The following CCND3 variants were observed in gnomAD, a reference collection of about 807,000 sequenced individuals.
CCND3 encodes the protein cyclin D3.
A neutral mutation model predicts 28.7 loss-of-function variants in CCND3; 9 were observed. The ratio of observed to expected loss-of-function variants is 0.31; its 90% CI spans 0.19 to 0.55. The LOEUF is 0.55. CCND3 is among the 20% of genes least tolerant of loss of function. The pLI, the probability that CCND3 is intolerant of heterozygous loss-of-function variation, is 0.93. For missense variants in CCND3, 315 were observed against 385.8 expected (o/e 0.82, Z 1.54); for synonymous variants, 164 against 163.9 (o/e 1.00, Z 0.00).
At chr6:42,019,307 G>A (rs1288883994) in intron 1 of CCND3, among the ~76,000 whole-genome samples, 1 of 152,018 alleles carries the variant, frequency 6.6e-6, no homozygotes, top group Non-Finnish European at 1.5e-5. Flanking sequence ...GACCAACAAG[G>A]TGAAACCCTG....
At chr6:41,998,273 G>A (rs190034192) in intron 1 of CCND3, among the ~76,000 whole-genome samples, 10 of 126,860 alleles carry the variant, frequency 7.9e-5, no homozygotes, top group Admixed American at 4.4e-4. Context: ...GGGCGGCAGA[G>A]CGAGACTCCA....
At chr6:42,000,619 G>C (rs1300977436) in intron 1 of CCND3, among the ~76,000 whole-genome samples, 1 of 125,660 alleles carries the variant, frequency 8.0e-6, no homozygotes, top group Non-Finnish European at 1.6e-5. Flanking sequence ...CCAGGCTGGA[G>C]CGCAATGGCG....
chr6:41,949,131 T>C (rs1776242013), intron 1 of CCND3, among the ~76,000 whole-genome samples: 1 of 152,062 alleles, frequency 6.6e-6, no homozygotes, highest in Non-Finnish European at 1.5e-5. Context: ...GGAGGATCAC[T>C]GAGGCCAGGG....
In CCND3 at chr6:41,935,628, G is replaced by A. The variant is rs749074508; in HGVS notation, c.*312C>T. Reference sequence around the variant, plus strand: ...AGAGCCCCCAGGGGTGGGGGGGGGCGTTCAAAAGGAATGCTGGTGTATGTA... The same window carrying A: ...AGAGCCCCCAGGGGTGGGGGGGGGCATTCAAAAGGAATGCTGGTGTATGTA... On this transcript the variant is annotated 3_prime_UTR_variant, in exon 5 of 5. Coordinates refer to ENST00000372991, the MANE Select transcript of CCND3 (RefSeq NM_001760.5). 5 of 457,998 alleles carry A rather than the reference G, an allele frequency of 1.1e-5. No homozygotes were observed. The highest frequency in any genetic ancestry group is 9.4e-5 in the East Asian group (3 of 31,998). 28.4% of individuals were successfully genotyped at this position (457,998 alleles called of 1,614,324 possible). A position where few individuals can be genotyped will look rare whatever the true frequency, so the allele number is the denominator to read the frequency against.
intron 1 of CCND3, among the ~76,000 whole-genome samples, chr6:42,000,263 G>GTTTTTTTTTTTTTTTTTTTTTCTA: frequency 1.2e-5 from 1 of 84,982 alleles, no homozygotes; most frequent in Non-Finnish European, 2.1e-5. Flanking sequence ...TTTTTTTTTG[G>GTTTTTTTTTTTTTTTTTTTTTCTA]GACAGAGTCT....
intron 1 of CCND3, 126 bp from the exon 2 acceptor site, chr6:41,940,711 G>A: frequency 2.6e-6 from 2 of 766,886 alleles, no homozygotes; most frequent in Non-Finnish European, 4.5e-6. Context: ...TACTTAGAGA[G>A]ACAAGGACCA....
At chr6:41,980,010 T>TCACACGCACACACACACACA (rs1762295467) in intron 1 of CCND3, among the ~76,000 whole-genome samples, 1 of 137,090 alleles carries the variant, frequency 7.3e-6, no homozygotes, top group Non-Finnish European at 1.6e-5. Context: ...GCTTTCAAAA[T>TCACACGCACACACACACACA]CACACACACA....
chr6:42,016,684 C>G (rs1377909581), intron 1 of CCND3, among the ~76,000 whole-genome samples: 1 of 149,736 alleles, frequency 6.7e-6, no homozygotes, highest in Non-Finnish European at 1.5e-5. Flanking sequence ...CTCCCAGGTT[C>G]AAGCAATCTC....
chr6:41,963,447 A>G (rs1276264317), intron 1 of CCND3, among the ~76,000 whole-genome samples: 2 of 152,216 alleles, frequency 1.3e-5, no homozygotes, highest in Non-Finnish European at 2.9e-5. Flanking sequence ...ACATAAGGAA[A>G]AGTGTGCTTT....
chr6:42,028,535 T>C (rs1763948500), intron 1 of CCND3, among the ~76,000 whole-genome samples: 2 of 152,360 alleles, frequency 1.3e-5, no homozygotes, highest in East Asian at 3.9e-4. Context: ...CTCATCTTCC[T>C]TCCTGCTCAT....
At chr6:42,031,982 G>T (rs1764060565) in intron 1 of CCND3, among the ~76,000 whole-genome samples, 1 of 151,812 alleles carries the variant, frequency 6.6e-6, no homozygotes, top group Non-Finnish European at 1.5e-5. Context: ...ATAGAGACGG[G>T]GTTTCACCAT....
chr6:41,995,700 C>T (rs528419021), intron 1 of CCND3, among the ~76,000 whole-genome samples: 2 of 152,178 alleles, frequency 1.3e-5, no homozygotes, highest in South Asian at 2.1e-4. Context: ...TGTCTTTGGG[C>T]ATTAAATTTT....
At chr6:41,980,131 ATTTTTTTTTT>A (rs61407287) in intron 1 of CCND3, among the ~76,000 whole-genome samples, 33 of 146,888 alleles carry the variant, frequency 2.2e-4, no homozygotes, top group Admixed American at 4.1e-4. Flanking sequence ...GTTTACTGGA[ATTTTTTTTTT>A]TTTTTTTTTT....
At chr6:41,937,465 A>C in intron 2 of CCND3, 71 bp from the exon 3 acceptor site, 3 of 1,575,988 alleles carry the variant, frequency 1.9e-6, no homozygotes, top group Non-Finnish European at 2.6e-6. Flanking sequence ...CAGAAGTCTC[A>C]AAGTCTCAGG....
At chr6:42,026,612 T>C (rs749777660) in intron 1 of CCND3, among the ~76,000 whole-genome samples, 3 of 152,108 alleles carry the variant, frequency 2.0e-5, no homozygotes, top group Non-Finnish European at 4.4e-5. Flanking sequence ...ATGGCAAAGA[T>C]TGCCAACTGT....
chr6:41,944,583 G>A (rs937805144), upstream of CCND3, among the ~76,000 whole-genome samples: 6 of 151,960 alleles, frequency 3.9e-5, no homozygotes, highest in South Asian at 2.1e-4. Flanking sequence ...CACCATGCCC[G>A]GCTAATTTTT....
chr6:41,989,179 C>G (rs1333531983), intron 1 of CCND3, among the ~76,000 whole-genome samples: 2 of 151,970 alleles, frequency 1.3e-5, no homozygotes, highest in Non-Finnish European at 2.9e-5. Flanking sequence ...AACAAACAAC[C>G]TGGGCACTGT....
chr6:41,976,071 G>A (rs541773391), intron 1 of CCND3, among the ~76,000 whole-genome samples: 73 of 152,222 alleles, frequency 4.8e-4, no homozygotes, highest in African/African-American at 1.8e-3. Context: ...GCTGGGTCTG[G>A]CCGGGCGCTG....
chr6:42,037,987 C>T (rs1042927279), intron 1 of CCND3, among the ~76,000 whole-genome samples: 33 of 146,672 alleles, frequency 2.2e-4, no homozygotes, highest in African/African-American at 7.3e-4. Flanking sequence ...GCCGAGATTG[C>T]GCCATTGCAC....
Sources: gnomAD v4.1 joint callset for allele counts (sites outside exome capture counted in the v4.1 genomes callset) on GRCh38, gnomAD v4.1.1 for gene constraint, MANE v1.5 for transcripts, NCBI Gene and HGNC (gene_info 2026-07-23, HGNC 2026-07-21) for gene names.